Variants in CA1 observed in about 807,000 individuals in gnomAD.
The protein encoded by CA1 is carbonic anhydrase 1, also known as carbonate dehydratase I.
CA1 carries 27 observed loss-of-function variants against 28.8 expected under a neutral mutation model. The ratio of observed to expected loss-of-function variants is 0.94; its 90% CI spans 0.69 to 1.29. The LOEUF (loss-of-function observed/expected upper bound fraction) is 1.29, where lower values mean the gene tolerates loss of function less well. Among genes scored for constraint, CA1 ranks in the 50% most tolerant of loss-of-function variants. The pLI is 0.00. For missense variants in CA1, 335 were observed against 310.5 expected, an observed-to-expected ratio of 1.08 and a Z score of -0.59; for synonymous variants, 121 against 108.8, an observed-to-expected ratio of 1.11 and a Z score of -0.70.
intron 1 of CA1, among the ~76,000 whole-genome samples, chr8:85,361,538 A>G (rs555888041): frequency 2.0e-5 from 3 of 152,064 alleles, no homozygotes; most frequent in Non-Finnish European, 1.5e-5. Context: ...TTAGCCGGGC[A>G]TGGTGGCAGC....
At chr8:85,349,184 A>G (rs1488471999) in intron 1 of CA1, among the ~76,000 whole-genome samples, 1 of 152,254 alleles carries the variant, frequency 6.6e-6, no homozygotes, top group Non-Finnish European at 1.5e-5. Context: ...ATAGCCCAAT[A>G]GAATGAGACC....
chr8:85,334,434 ATGGCAGACTTT>A (rs1808551817), intron 4 of CA1, among the ~76,000 whole-genome samples: 1 of 152,158 alleles, frequency 6.6e-6, no homozygotes, highest in Admixed American at 6.5e-5. Context: ...TGATCTTCAA[ATGGCAGACTTT>A]TGTCTTGAAT....
chr8:85,362,641 A>G (rs1029486764), intron 1 of CA1, among the ~76,000 whole-genome samples: 1 of 152,198 alleles, frequency 6.6e-6, no homozygotes, highest in African/African-American at 2.4e-5. Flanking sequence ...AATTGGGAGT[A>G]TAATTGTGGT....
chr8:85,370,726 T>A (rs1389775550), intron 1 of CA1, among the ~76,000 whole-genome samples: 1 of 152,182 alleles, frequency 6.6e-6, no homozygotes, highest in Non-Finnish European at 1.5e-5. Context: ...AATTTATGTC[T>A]TAGATTTTCT....
intron 1 of CA1, among the ~76,000 whole-genome samples, chr8:85,374,803 G>A (rs1810348664): frequency 6.6e-6 from 1 of 152,144 alleles, no homozygotes; most frequent in Admixed American, 6.5e-5. Flanking sequence ...TTTTGGCATA[G>A]TGGATGCTAC....
intron 1 of CA1, among the ~76,000 whole-genome samples, chr8:85,342,046 C>A (rs900767351): frequency 3.3e-5 from 5 of 152,070 alleles, no homozygotes; most frequent in Non-Finnish European, 5.9e-5. Context: ...GTTACCTAAG[C>A]AATATATGCA....
chr8:85,332,599 C>T (rs371837313), intron 5 of CA1, 47 bp from the exon 6 acceptor site: 44 of 1,370,178 alleles, frequency 3.2e-5, no homozygotes, highest in Admixed American at 2.2e-4. Context: ...TATTATCAAT[C>T]GAACACTGCT....
chr8:85,371,877 G>A (rs1810239891), intron 1 of CA1, among the ~76,000 whole-genome samples: 1 of 152,090 alleles, frequency 6.6e-6, no homozygotes, highest in Admixed American at 6.6e-5. Context: ...ATTGTGGCCT[G>A]TCTTCTATGG....
rs1585928810 is a variant in CA1 at position 85,341,599 on chromosome 8, C to T, written c.37G>A (p.Gly13Ser). The change falls in exon 2 of 8, where the codon GGT becomes AGT. Residue 13 changes from glycine to serine, a missense_variant and splice_region_variant. Transcript: ENST00000523022. ...TCTATATAAACAGGAGAACTCTTAC[C>T]ATTTTTGTCATCATATCCCCAGTCT... ...SPDWGYDDKN[G>S]PEQWSKLYPI... The T allele has an allele frequency of 8.2e-6, 13 of 1,581,456 alleles. No homozygotes were observed. In the East Asian group the frequency reaches 2.9e-4, roughly 35 times the overall value.
intron 3 of CA1, chr8:85,338,023 C>T: frequency 1.0e-5 from 7 of 668,588 alleles, no homozygotes; most frequent in South Asian, 6.1e-5. Context: ...CGAGAAGAGA[C>T]GTGATGGTGA....
At chr8:85,344,445 C>G (rs1190605458) in intron 1 of CA1, among the ~76,000 whole-genome samples, 1 of 146,594 alleles carries the variant, frequency 6.8e-6, no homozygotes, top group Non-Finnish European at 1.5e-5. Flanking sequence ...TTTTTAGTAC[C>G]CTAAAATGTT....
chr8:85,364,850 A>G (rs993456998), intron 1 of CA1, among the ~76,000 whole-genome samples: 1 of 152,232 alleles, frequency 6.6e-6, no homozygotes, highest in Non-Finnish European at 1.5e-5. Flanking sequence ...TGGGAGTATC[A>G]AATTAACTTG....
intron 1 of CA1, among the ~76,000 whole-genome samples, chr8:85,344,279 A>T (rs1199807748): frequency 1.5e-5 from 1 of 65,060 alleles, no homozygotes; most frequent in Admixed American, 1.6e-4. Flanking sequence ...ATATAATTAT[A>T]TATTATATAC....
chr8:85,338,351 T>G lies in CA1; in HGVS notation c.136A>C (p.Lys46Gln), dbSNP rs758208264. Residue 46 changes from lysine (K) to glutamine (Q), a missense_variant, in exon 3 of 8, where the codon AAA (lysine) becomes CAA (glutamine). Physicochemically the swap from Lys to Gln is moderately conservative, Grantham distance 53 (BLOSUM62 1). Transcript: ENST00000523022. Reference protein sequence around the residue: ...TSETKHDTSLKPISVSYNPAT... With the variant: ...TSETKHDTSLQPISVSYNPAT... ...GGGTTGTAGGAGACACTAATAGGTT[T>G]CAGAGAGGTGTCATGTTTGGTTTCA... is the stretch of plus-strand genomic sequence containing the variant. The G allele has an allele frequency of 6.2e-7, 1 of 1,613,708 alleles. No individual in the cohort carries two copies.
intron 5 of CA1, among the ~76,000 whole-genome samples, chr8:85,332,796 G>T (rs978526629): frequency 1.3e-5 from 2 of 151,922 alleles, no homozygotes; most frequent in Non-Finnish European, 2.9e-5. Flanking sequence ...TTAATTATTG[G>T]CAATATGTTC....
intron 2 of CA1, among the ~76,000 whole-genome samples, chr8:85,339,708 T>C (rs184407411): frequency 5.9e-5 from 9 of 152,286 alleles, no homozygotes; most frequent in Admixed American, 3.9e-4. Context: ...AGAAAAGTTC[T>C]TGGAGAAAAT....
intron 6 of CA1, 174 bp downstream of exon 6, chr8:85,332,316 C>A: frequency 1.7e-6 from 1 of 593,876 alleles, no homozygotes; most frequent in Non-Finnish European, 3.0e-6. Context: ...CAAAACAATT[C>A]CCTGCATTAG....
chr8:85,340,609 GATA>G (rs1320699778), intron 2 of CA1, among the ~76,000 whole-genome samples: 1 of 152,142 alleles, frequency 6.6e-6, no homozygotes, highest in African/African-American at 2.4e-5. Context: ...AGTTCCCATA[GATA>G]ATAATTTTTT....
Position 85,336,892 on chromosome 8 carries a change from G to C in CA1, c.354+53C>G, listed in dbSNP as rs370072928. 1.0e-4 allele frequency: 109 copies of C among 1,053,666 alleles called. 2 individuals are homozygous for C. The African/African-American group carries it at 1.5e-3, about 14-fold the overall frequency. 65.3% of individuals were successfully genotyped at this position (1,053,666 alleles called of 1,614,324 possible). A position where few individuals can be genotyped will look rare whatever the true frequency, so the allele number is the denominator to read the frequency against. On this transcript the variant is annotated intron_variant, in intron 4 of 7. Transcript: ENST00000523022. Reference sequence around the variant, plus strand: ...TGTCTTAGAAAAGAAGGGAGAAGCTGCTTCTGGGAGTACTCTCAGGGTAAT... The same window carrying C: ...TGTCTTAGAAAAGAAGGGAGAAGCTCCTTCTGGGAGTACTCTCAGGGTAAT...
Sources: gnomAD v4.1 joint callset for allele counts (sites outside exome capture counted in the v4.1 genomes callset) on GRCh38, gnomAD v4.1.1 for gene constraint, MANE v1.5 for transcripts, NCBI Gene and HGNC (gene_info 2026-07-23, HGNC 2026-07-21) for gene names.